PIP: variants seen among roughly 807,000 people sequenced by gnomAD.
The protein encoded by PIP is prolactin-inducible protein.
PIP carries 9 observed loss-of-function variants against 12.8 expected under a neutral mutation model. The observed-to-expected ratio is 0.70, with a 90% CI of 0.42 to 1.23. PIP has a LOEUF of 1.23. Among genes scored for constraint, PIP ranks in the 50% most tolerant of loss-of-function variants. PIP has a pLI of 0.00. For missense variants in PIP, 172 were observed against 179.5 expected, an observed-to-expected ratio of 0.96 and a Z score of 0.24; for synonymous variants, 60 against 66.1, an observed-to-expected ratio of 0.91 and a Z score of 0.45.
At chr7:143,135,964 G>T (rs886297725) in intron 2 of PIP, among the ~76,000 whole-genome samples, 1 of 152,032 alleles carries the variant, frequency 6.6e-6, no homozygotes, top group Non-Finnish European at 1.5e-5. Context: ...GTTTCATTCA[G>T]CAGGTCTGGG....
intron 2 of PIP, among the ~76,000 whole-genome samples, chr7:143,137,903 GAAA>G (rs60977776): frequency 2.1e-4 from 28 of 130,668 alleles, no homozygotes; most frequent in South Asian, 1.5e-3. Flanking sequence ...CTGTCTCTTA[GAAA>G]AAAAAAAAAA....
At position 143,134,231 on chromosome 7, in the gene PIP, T is replaced by TAA. The variant is rs1257616201; in HGVS notation, c.96-962_96-961insAA. ...ATATATATATATATATATATATATA[T>TAA]ATACCACAGTTTCTTTATCCACTCG... On this transcript the variant is annotated intron_variant, in intron 1 of 3. Transcript: ENST00000291009. Among the ~76,000 whole-genome samples, 86 of 80,870 alleles carry TAA rather than the reference T, an allele frequency of 1.1e-3. 1 individual carries two copies. The highest frequency in any genetic ancestry group is 3.5e-3 in the African/African-American group (76 of 21,698). 53.1% of individuals were successfully genotyped at this position (80,870 alleles called of 152,430 possible).
chr7:143,137,451 A>G (rs980836093), intron 2 of PIP, among the ~76,000 whole-genome samples: 1 of 152,148 alleles, frequency 6.6e-6, no homozygotes, highest in African/African-American at 2.4e-5. Context: ...TGTGTGATGG[A>G]TGTTGTTACT....
At chr7:143,133,471 C>G (rs1295091406) in intron 1 of PIP, among the ~76,000 whole-genome samples, 1 of 152,124 alleles carries the variant, frequency 6.6e-6, no homozygotes, top group Admixed American at 6.6e-5. Context: ...GGCTAAGAAT[C>G]TCAATTCCCT....
intron 2 of PIP, 71 bp downstream of exon 2, chr7:143,135,370 C>T: frequency 2.8e-6 from 2 of 725,470 alleles, no homozygotes; most frequent in South Asian, 3.2e-5. Context: ...AATTTAATCT[C>T]TCACTTTAAT....
Position 143,135,217 on chromosome 7 carries a change from T to G in PIP, c.119T>G (p.Phe40Cys). Residue 40 changes from phenylalanine (F) to cysteine (C), a missense_variant, in exon 2 of 4, where the codon TTT (phenylalanine) becomes TGT (cysteine). By Grantham distance (205) the Phe-to-Cys change is radical (BLOSUM62 -2). Coordinates refer to ENST00000291009, the MANE Select transcript of PIP (RefSeq NM_002652.3). ...AGTCGGAAGATCATAATAAAGAATT[T>G]TGACATTCCCAAGTCAGTACGTCCA... ...DNTRKIIIKN[F>C]DIPKSVRPND... 6.3e-7 allele frequency: 1 copy of G among 1,589,514 alleles called. No homozygotes were observed.
chr7:143,138,117 T>C (rs746808366), intron 2 of PIP, among the ~76,000 whole-genome samples: 10 of 152,040 alleles, frequency 6.6e-5, no homozygotes, highest in Non-Finnish European at 1.3e-4. Flanking sequence ...CATGAGCCAG[T>C]CTGATAACTG....
At chr7:143,134,566 A>G (rs547966304) in intron 1 of PIP, among the ~76,000 whole-genome samples, 29 of 151,906 alleles carry the variant, frequency 1.9e-4, no homozygotes, top group African/African-American at 7.0e-4. Flanking sequence ...TGCAGGAGTA[A>G]GGTGGTATCG....
intron 1 of PIP, among the ~76,000 whole-genome samples, chr7:143,132,799 G>A (rs1036951045): frequency 6.6e-6 from 1 of 152,074 alleles, no homozygotes; most frequent in African/African-American, 2.4e-5. Flanking sequence ...AACTTATTGA[G>A]AACACATGTG....
At chr7:143,133,213 C>T (rs1278780546) in intron 1 of PIP, among the ~76,000 whole-genome samples, 2 of 151,980 alleles carry the variant, frequency 1.3e-5, no homozygotes, top group Non-Finnish European at 2.9e-5. Flanking sequence ...CAACTCTGCC[C>T]TCCCCCGCCA....
At chr7:143,137,553 T>A (rs754328891) in intron 2 of PIP, among the ~76,000 whole-genome samples, 1 of 152,108 alleles carries the variant, frequency 6.6e-6, no homozygotes. Context: ...TCTTTTATTG[T>A]ACAAGTGGTG....
In PIP at chr7:143,138,975, C is replaced by A. The variant is rs1799337381; in HGVS notation, c.202-100C>A. 6.9e-6 allele frequency: 5 copies of A among 719,604 alleles called. No homozygotes were observed. The East Asian group carries it at 1.3e-4, about 18-fold the overall frequency. 44.6% of individuals were successfully genotyped at this position (719,604 alleles called of 1,614,324 possible). A position where few individuals can be genotyped will look rare whatever the true frequency, so the allele number is the denominator to read the frequency against. On this transcript the variant is annotated intron_variant, in intron 2 of 3. Coordinates refer to ENST00000291009, the MANE Select transcript of PIP (RefSeq NM_002652.3). ...CCCCTTGCCCTAGGCCCACCTCCAC[C>A]CCCACTCTTCTCCTCCGGCTTTTCC...
intron 2 of PIP, 93 bp from the exon 3 acceptor site, chr7:143,138,982 C>T (rs1799337530): frequency 2.7e-6 from 2 of 741,092 alleles, no homozygotes; most frequent in South Asian, 3.0e-5. Flanking sequence ...CACCCCCACT[C>T]TTCTCCTCCG....
rs372732335 is a variant in PIP, at chr7:143,133,055, A to G, written c.95+844A>G. ...AGGCAAGTGTCCCAAGAAACCCTGCATGGGGACAGGTTCAGATCCCACCCC... is the reference window on the plus strand; with the variant it reads ...AGGCAAGTGTCCCAAGAAACCCTGCGTGGGGACAGGTTCAGATCCCACCCC... On this transcript the variant is annotated intron_variant, in intron 1 of 3. Transcript: ENST00000291009. 3.2e-4 allele frequency among the ~76,000 whole-genome samples: 48 copies of G among 152,138 alleles called. No homozygotes were observed. In the South Asian group the frequency reaches 9.3e-3, roughly 30 times the overall value.
intron 1 of PIP, among the ~76,000 whole-genome samples, chr7:143,134,185 T>C (rs1484597514): frequency 6.5e-3 from 12 of 1,858 alleles, no homozygotes; most frequent in Non-Finnish European, 1.5e-3. Flanking sequence ...TATTCCATCA[T>C]ATATATATAT....
intron 1 of PIP, 64 bp from the exon 2 acceptor site, chr7:143,135,130 C>T (rs755689208): frequency 1.1e-4 from 93 of 817,588 alleles, no homozygotes; most frequent in Non-Finnish European, 1.8e-4. Context: ...CTGTTCATGG[C>T]TCCCCCCTCA....
intron 2 of PIP, among the ~76,000 whole-genome samples, chr7:143,137,374 C>A (rs987948528): frequency 1.3e-5 from 2 of 152,092 alleles, no homozygotes; most frequent in Non-Finnish European, 2.9e-5. Context: ...TTTATGCACA[C>A]ATTAGCTGGG....
rs147746570 is a variant in PIP at position 143,132,202 on chromosome 7, A to G, written c.86A>G (p.Gln29Arg). 4.2e-4 allele frequency: 682 copies of G among 1,613,576 alleles called. 7 individuals are homozygous for G. The African/African-American group carries it at 7.5e-3, about 18-fold the overall frequency. The change falls in exon 1 of 4, where the codon CAG becomes CGG. Residue 29 changes from glutamine to arginine, a missense_variant. Coordinates refer to ENST00000291009, the MANE Select transcript of PIP (RefSeq NM_002652.3). Reference protein sequence around the residue: ...LCLQLGANKAQDNTRKIIIKN... With the variant: ...LCLQLGANKARDNTRKIIIKN... ...CTGCAGTTGGGGGCCAACAAAGCTC[A>G]GGACAACACGTGAGCCATGCCCTTC...
In PIP at chr7:143,134,222, ATATATATATAT is replaced by A. The variant is rs1563015841; in HGVS notation, c.96-971_96-961del. Among the ~76,000 whole-genome samples, 341 of 105,118 alleles carry A rather than the reference ATATATATATAT, an allele frequency of 3.2e-3. 10 individuals carry two copies. Among genetic ancestry groups the A allele is most frequent in the Middle Eastern group, 0.017 (3 of 180 alleles). 69.0% of individuals were successfully genotyped at this position (105,118 alleles called of 152,430 possible). ...TATATATATATATATATATATATAT[ATATATATATAT>A]ACCACAGTTTCTTTATCCACTCGTT... On this transcript the variant is annotated intron_variant, in intron 1 of 3. Transcript: ENST00000291009.
Sources: gnomAD v4.1 joint callset for allele counts (sites outside exome capture counted in the v4.1 genomes callset) on GRCh38, gnomAD v4.1.1 for gene constraint, MANE v1.5 for transcripts, NCBI Gene and HGNC (gene_info 2026-07-23, HGNC 2026-07-21) for gene names.